The following SLC24A3 variants were observed in gnomAD, a reference collection of about 807,000 sequenced individuals.
The protein encoded by SLC24A3 is solute carrier family 24 member 3.
Under a neutral mutation model 75.8 loss-of-function variants are expected in SLC24A3, and 28 were observed. The ratio of observed to expected loss-of-function variants is 0.37; its 90% CI spans 0.27 to 0.51. The LOEUF is 0.51. Among genes scored for constraint, SLC24A3 ranks in the 20% least tolerant of loss-of-function variants. The probability of loss-of-function intolerance (pLI) is 0.94; values close to 1 mark genes in which losing one functional copy is unlikely to be tolerated. For synonymous variants in SLC24A3, 372 were observed against 334.1 expected, an observed-to-expected ratio of 1.11 and a Z score of -1.24; for missense variants, 663 against 847.8, an observed-to-expected ratio of 0.78 and a Z score of 2.71.
chr20:19,396,601 T>G (rs1368685840), intron 2 of SLC24A3, among the ~76,000 whole-genome samples: 1 of 152,202 alleles, frequency 6.6e-6, no homozygotes, highest in Admixed American at 6.5e-5. Flanking sequence ...TTAAACCCAA[T>G]AAATAATAGC....
chr20:19,654,049 C>G lies in SLC24A3; in HGVS notation c.613-13C>G. On this transcript the variant is annotated splice_polypyrimidine_tract_variant and intron_variant, in intron 6 of 16. Transcript: ENST00000328041. ...TCTATATCCTGTTTGACTTTGTTTC[C>G]CTTGTCCTGCAGGTTGTGGCTCTTT... 2 of 1,608,146 alleles carry G rather than the reference C, an allele frequency of 1.2e-6. No homozygotes were observed. The highest frequency in any genetic ancestry group is 2.2e-5 in the South Asian group (2 of 90,928).
chr20:19,387,257 C>T (rs1242684003), intron 2 of SLC24A3, among the ~76,000 whole-genome samples: 10 of 151,648 alleles, frequency 6.6e-5, no homozygotes, highest in Admixed American at 1.3e-4. Flanking sequence ...TATGATTTGT[C>T]AATTTTATTT....
chr20:19,675,621 G>A (rs1353595420), intron 9 of SLC24A3, among the ~76,000 whole-genome samples: 1 of 152,180 alleles, frequency 6.6e-6, no homozygotes, highest in Admixed American at 6.5e-5. Context: ...GTGGAGAAGG[G>A]CATTCCTAGA....
intron 2 of SLC24A3, among the ~76,000 whole-genome samples, chr20:19,510,208 T>A (rs1988516620): frequency 6.6e-6 from 1 of 152,146 alleles, no homozygotes; most frequent in Admixed American, 6.6e-5. Flanking sequence ...TGCAAATGAA[T>A]CAAAGAAGCT....
intron 2 of SLC24A3, among the ~76,000 whole-genome samples, chr20:19,434,985 G>C (rs908375535): frequency 6.6e-6 from 1 of 152,156 alleles, no homozygotes; most frequent in Non-Finnish European, 1.5e-5. Context: ...TTCAAAAAAG[G>C]CTATCTTTCC....
chr20:19,299,762 T>C (rs1984153404), intron 2 of SLC24A3, among the ~76,000 whole-genome samples: 2 of 152,174 alleles, frequency 1.3e-5, no homozygotes, highest in Admixed American at 6.5e-5. Flanking sequence ...CTGTGTGTTA[T>C]TTTAGGGGCA....
chr20:19,467,848 T>C (rs1405027225), intron 2 of SLC24A3, among the ~76,000 whole-genome samples: 3 of 147,816 alleles, frequency 2.0e-5, no homozygotes, highest in African/African-American at 7.5e-5. Flanking sequence ...ACCACTGCAC[T>C]CCAGCCTGGG....
intron 1 of SLC24A3, among the ~76,000 whole-genome samples, chr20:19,240,493 A>G (rs980401335): frequency 2.6e-5 from 4 of 152,206 alleles, no homozygotes; most frequent in African/African-American, 9.7e-5. Flanking sequence ...AAAACTCTGT[A>G]TGTGCAGACA....
At chr20:19,553,153 TACAGAAC>T (rs1458924727) in intron 3 of SLC24A3, among the ~76,000 whole-genome samples, 1 of 85,724 alleles carries the variant, frequency 1.2e-5, no homozygotes, top group Non-Finnish European at 3.0e-5. Flanking sequence ...ACAAGCAGCT[TACAGAAC>T]ACAGGGCAGC....
intron 3 of SLC24A3, among the ~76,000 whole-genome samples, chr20:19,527,420 C>T (rs2030219034): frequency 1.3e-5 from 2 of 152,140 alleles, no homozygotes; most frequent in South Asian, 4.1e-4. Context: ...AGGGTCTATC[C>T]ACTAAGCTGG....
intron 2 of SLC24A3, among the ~76,000 whole-genome samples, chr20:19,489,092 G>A (rs1988169497): frequency 6.6e-6 from 1 of 152,126 alleles, no homozygotes; most frequent in Non-Finnish European, 1.5e-5. Context: ...AGCCACCCTT[G>A]GAATTTCTGG....
intron 6 of SLC24A3, among the ~76,000 whole-genome samples, chr20:19,604,604 AC>A (rs1166263009): frequency 2.6e-5 from 4 of 151,960 alleles, no homozygotes; most frequent in Non-Finnish European, 4.4e-5. Flanking sequence ...AGGAGTCAGA[AC>A]CCCCAGTGTT....
intron 2 of SLC24A3, among the ~76,000 whole-genome samples, chr20:19,353,144 A>G (rs1488685665): frequency 6.6e-6 from 1 of 152,222 alleles, no homozygotes; most frequent in Non-Finnish European, 1.5e-5. Flanking sequence ...AGTATGCTCT[A>G]TGATGTTCGA....
At chr20:19,587,848 T>C (rs1294513812) in intron 6 of SLC24A3, among the ~76,000 whole-genome samples, 2 of 152,220 alleles carry the variant, frequency 1.3e-5, no homozygotes, top group Non-Finnish European at 2.9e-5. Flanking sequence ...ATAGACCTGC[T>C]CTACATGGTA....
intron 3 of SLC24A3, among the ~76,000 whole-genome samples, chr20:19,529,559 C>T (rs1696705217): frequency 6.6e-6 from 1 of 152,198 alleles, no homozygotes; most frequent in Non-Finnish European, 1.5e-5. Flanking sequence ...ATGGATCTCA[C>T]CTTCACATCC....
At chr20:19,353,230 C>T (rs1201302192) in intron 2 of SLC24A3, among the ~76,000 whole-genome samples, 1 of 152,124 alleles carries the variant, frequency 6.6e-6, no homozygotes, top group East Asian at 1.9e-4. Flanking sequence ...TGTATTTATA[C>T]AGTTGTAAAT....
intron 2 of SLC24A3, among the ~76,000 whole-genome samples, chr20:19,366,697 C>T (rs1347257653): frequency 6.6e-6 from 1 of 151,956 alleles, no homozygotes; most frequent in Admixed American, 6.6e-5. Context: ...ATCAAGTTTG[C>T]TTTATTAAAA....
intron 12 of SLC24A3, 109 bp downstream of exon 12, chr20:19,685,470 T>C (rs1202405246): frequency 3.3e-6 from 5 of 1,508,920 alleles, no homozygotes; most frequent in South Asian, 1.3e-5. Flanking sequence ...AATCTCTGTA[T>C]GAACATGAGA....
At chr20:19,544,714 C>A (rs2030558858) in intron 3 of SLC24A3, among the ~76,000 whole-genome samples, 1 of 152,132 alleles carries the variant, frequency 6.6e-6, no homozygotes, top group African/African-American at 2.4e-5. Context: ...TACACTCAAG[C>A]CTGAGATTCA....
Sources: gnomAD v4.1 joint callset for allele counts (sites outside exome capture counted in the v4.1 genomes callset) on GRCh38, gnomAD v4.1.1 for gene constraint, MANE v1.5 for transcripts, NCBI Gene and HGNC (gene_info 2026-07-23, HGNC 2026-07-21) for gene names.